The following NEBL variants were observed in gnomAD, a reference collection of about 807,000 sequenced individuals.
The protein encoded by NEBL is LIM and SH3 protein 2.
A neutral mutation model predicts 140.2 loss-of-function variants in NEBL; 122 were observed. The ratio of observed to expected loss-of-function variants is 0.87; its 90% CI spans 0.75 to 1.01. The LOEUF is 1.01. NEBL is among the 50% of genes least tolerant of loss of function. The pLI is 0.00. For synonymous variants in NEBL, 436 were observed against 398.9 expected (o/e 1.09, Z -1.11); for missense variants, 1,365 against 1,231.3 (o/e 1.11, Z -1.62).
intron 4 of NEBL, among the ~76,000 whole-genome samples, chr10:20,906,445 C>T (rs1398283793): frequency 6.6e-6 from 1 of 151,984 alleles, no homozygotes; most frequent in Admixed American, 6.6e-5. Context: ...TTCCATGGAG[C>T]TTTTCCATGT....
chr10:21,166,374 C>T (rs1449064319), intron 2 of NEBL, among the ~76,000 whole-genome samples: 1 of 151,914 alleles, frequency 6.6e-6, no homozygotes, highest in Non-Finnish European at 1.5e-5. Flanking sequence ...TCTTCTCATT[C>T]TCTTTTCTTC....
intron 3 of NEBL, among the ~76,000 whole-genome samples, chr10:21,242,588 T>G (rs77041378): frequency 0.028 from 4,252 of 152,126 alleles, 196 homozygotes; most frequent in African/African-American, 0.097. Context: ...AACCTGCACA[T>G]GTACCCTGAG....
intron 2 of NEBL, among the ~76,000 whole-genome samples, chr10:21,136,921 T>C (rs367784222): frequency 1.6e-4 from 25 of 152,254 alleles, no homozygotes; most frequent in East Asian, 9.6e-4. Context: ...GTAGAATTAA[T>C]GGACATCTAG....
At chr10:21,269,368 A>C (rs1842834353) in intron 1 of NEBL, among the ~76,000 whole-genome samples, 2 of 152,248 alleles carry the variant, frequency 1.3e-5, no homozygotes, top group African/African-American at 4.8e-5. Context: ...AGATGAAGGC[A>C]GATTCGTAGA....
At chr10:21,225,393 G>A (rs561202001) in intron 3 of NEBL, among the ~76,000 whole-genome samples, 17 of 152,140 alleles carry the variant, frequency 1.1e-4, no homozygotes, top group East Asian at 3.9e-4. Context: ...CCTGACTACC[G>A]CCTATGTTCA....
intron 13 of NEBL, among the ~76,000 whole-genome samples, chr10:20,838,470 A>G (rs1372773243): frequency 6.6e-6 from 1 of 152,200 alleles, no homozygotes; most frequent in African/African-American, 2.4e-5. Context: ...CAAGCAAAGA[A>G]TGTGGTTTCT....
rs922361388 is a variant in NEBL, at chr10:20,835,434, T to C, written c.1449+79A>G. The C allele has an allele frequency of 3.9e-6, 4 of 1,027,824 alleles. No homozygotes were observed. In the African/African-American group the frequency reaches 4.7e-5, roughly 12 times the overall value. The allele number at this position is 1,027,824 out of a possible 1,614,324, so 63.7% of individuals were successfully genotyped here. On this transcript the variant is annotated intron_variant, in intron 14 of 27. Coordinates refer to ENST00000377122, the MANE Select transcript of NEBL (RefSeq NM_006393.3). ...AGCTGCAATGCTTTGAGAAATTCCA[T>C]ATAGTAATCAAGTTGCTAATACGAT...
rs932054924 is a variant in NEBL, at chr10:21,222,323, C to CAGTTTA, written n.348+25592_348+25597dup. ...AGGGTAATGATTTGAAACTAGGTTT[C>CAGTTTA]AGTTTAATTCTCACCATTTTTATAT... On this transcript the variant is annotated intron_variant and non_coding_transcript_variant, in intron 3 of 8. Coordinates refer to the NEBL transcript ENST00000675702. 1.0e-4 allele frequency among the ~76,000 whole-genome samples: 15 copies of CAGTTTA among 150,662 alleles called. No homozygotes were observed. In the South Asian group the frequency reaches 1.7e-3, roughly 17 times the overall value.
chr10:20,880,005 C>T (rs1845864711), intron 5 of NEBL, among the ~76,000 whole-genome samples: 1 of 152,202 alleles, frequency 6.6e-6, no homozygotes, highest in Non-Finnish European at 1.5e-5. Context: ...AGCCATTAGG[C>T]ATCTATTGCT....
At chr10:21,286,132 G>T (rs1843052297) in intron 1 of NEBL, among the ~76,000 whole-genome samples, 2 of 152,098 alleles carry the variant, frequency 1.3e-5, no homozygotes, top group African/African-American at 4.8e-5. Context: ...ATGAATGAAT[G>T]GATTTTATTT....
At chr10:20,825,950 T>C (rs954361774) in intron 18 of NEBL, among the ~76,000 whole-genome samples, 6 of 152,260 alleles carry the variant, frequency 3.9e-5, no homozygotes, top group East Asian at 1.9e-4. Context: ...AAAGAAGAAA[T>C]GGGCAGAAGC....
chr10:21,234,699 G>A (rs573677569), intron 3 of NEBL, among the ~76,000 whole-genome samples: 1 of 152,202 alleles, frequency 6.6e-6, no homozygotes, highest in East Asian at 1.9e-4. Context: ...CAGCCGACTG[G>A]GATCAGAAAT....
At chr10:20,794,602 A>G (rs556535895) in intron 26 of NEBL, among the ~76,000 whole-genome samples, 3 of 152,324 alleles carry the variant, frequency 2.0e-5, no homozygotes, top group African/African-American at 4.8e-5. Flanking sequence ...CTGCATCTTT[A>G]TAAGAAAATG....
chr10:21,143,375 G>C (rs1314028487), intron 2 of NEBL, among the ~76,000 whole-genome samples: 1 of 149,238 alleles, frequency 6.7e-6, no homozygotes. Flanking sequence ...CTTGAACCCG[G>C]GACGTGGAGG....
chr10:21,278,995 C>T (rs574647982), intron 1 of NEBL, among the ~76,000 whole-genome samples: 1 of 152,152 alleles, frequency 6.6e-6, no homozygotes, highest in South Asian at 2.1e-4. Flanking sequence ...ATAGCCCCAG[C>T]GCCATGAAGA....
At chr10:21,183,503 T>G (rs1334082329) in intron 3 of NEBL, among the ~76,000 whole-genome samples, 1 of 152,174 alleles carries the variant, frequency 6.6e-6, no homozygotes, top group Non-Finnish European at 1.5e-5. Context: ...CAGGGTTTTC[T>G]GAGCCCAGAA....
At chr10:20,905,574 G>A (rs925402227) in intron 4 of NEBL, among the ~76,000 whole-genome samples, 2 of 152,086 alleles carry the variant, frequency 1.3e-5, no homozygotes, top group Non-Finnish European at 2.9e-5. Context: ...CAACACATAC[G>A]GATTACAATT....
chr10:21,286,558 C>T lies in NEBL; in HGVS notation n.182+6272G>A, dbSNP rs183989963. ...GATTCAGACTATAGCTATAGCAGGG[C>T]GCCATGGCTCACGCCTGTAATCCCA... On this transcript the variant is annotated intron_variant and non_coding_transcript_variant, in intron 1 of 8. Coordinates refer to the NEBL transcript ENST00000675702. Among the ~76,000 whole-genome samples the T allele has an allele frequency of 1.1e-3, 161 of 152,324 alleles. 1 individual carries two copies. In the South Asian group the frequency reaches 0.013, roughly 12 times the overall value.
chr10:21,115,048 T>C (rs918632834), intron 2 of NEBL, among the ~76,000 whole-genome samples: 1 of 152,036 alleles, frequency 6.6e-6, no homozygotes, highest in Non-Finnish European at 1.5e-5. Context: ...TATTGGCTTA[T>C]TAGCTATATC....
Sources: gnomAD v4.1 joint callset for allele counts (sites outside exome capture counted in the v4.1 genomes callset) on GRCh38, gnomAD v4.1.1 for gene constraint, MANE v1.5 for transcripts, NCBI Gene and HGNC (gene_info 2026-07-23, HGNC 2026-07-21) for gene names.